CACNA1C: variants seen among roughly 807,000 people sequenced by gnomAD.
CACNA1C encodes the protein calcium voltage-gated channel subunit alpha1 C, also known as voltage-dependent L-type calcium channel subunit alpha-1C.
CACNA1C carries 30 observed loss-of-function variants against 229.0 expected under a neutral mutation model. The observed-to-expected ratio is 0.13, with a 90% CI of 0.10 to 0.18. CACNA1C has a LOEUF of 0.18. Ranked by LOEUF, CACNA1C falls within the 10% of genes least tolerant of loss-of-function variation. CACNA1C has a pLI of 1.00. For synonymous variants in CACNA1C, 1,114 were observed against 1,132.5 expected (o/e 0.98, Z 0.33); for missense variants, 1,658 against 2,845.0 (o/e 0.58, Z 9.49).
intron 2 of CACNA1C, among the ~76,000 whole-genome samples, chr12:2,118,576 A>G (rs529707102): frequency 6.6e-6 from 1 of 152,256 alleles, no homozygotes; most frequent in Admixed American, 6.5e-5. Flanking sequence ...CAGTTTTCTC[A>G]TTTAGAAAGT....
chr12:2,690,856 T>G, intron 46 of CACNA1C, 44 bp from the exon 47 acceptor site: 2 of 1,487,780 alleles, frequency 1.3e-6, no homozygotes, highest in Non-Finnish European at 1.8e-6. Context: ...GCTCCAGGAG[T>G]AATGTTCCTT....
chr12:2,338,167 C>T (rs7311382), intron 3 of CACNA1C, among the ~76,000 whole-genome samples: 34,634 of 152,106 alleles, frequency 0.23, 6,384 homozygotes, highest in African/African-American at 0.52. Flanking sequence ...GTGCTGGCTA[C>T]ATGGGGGGAG....
intron 1 of CACNA1C, chr12:2,004,622 G>A: frequency 1.3e-6 from 1 of 758,286 alleles, no homozygotes; most frequent in South Asian, 1.9e-5. Flanking sequence ...GCCGCGCCCC[G>A]CCCACTGAGG....
chr12:2,203,258 G>C (rs905273793), intron 3 of CACNA1C, among the ~76,000 whole-genome samples: 1 of 152,168 alleles, frequency 6.6e-6, no homozygotes, highest in Non-Finnish European at 1.5e-5. Flanking sequence ...ATGCTGTCCT[G>C]TCCTCATGTC....
intron 1 of CACNA1C, among the ~76,000 whole-genome samples, chr12:2,066,589 C>T (rs772195351): frequency 1.4e-4 from 22 of 151,954 alleles, no homozygotes; most frequent in South Asian, 6.2e-4. Context: ...AATGATGAGG[C>T]GTGGTGGTTG....
intron 18 of CACNA1C, among the ~76,000 whole-genome samples, chr12:2,586,214 A>G (rs1035015408): frequency 1.3e-5 from 2 of 152,208 alleles, no homozygotes; most frequent in African/African-American, 4.8e-5. Flanking sequence ...ATTAATTTAT[A>G]TAATGTATTA....
At chr12:2,389,551 C>T (rs2098450211) in intron 3 of CACNA1C, among the ~76,000 whole-genome samples, 2 of 152,196 alleles carry the variant, frequency 1.3e-5, no homozygotes, top group African/African-American at 4.8e-5. Context: ...TTAATGTGAT[C>T]AGTGCCAGAT....
intron 34 of CACNA1C, among the ~76,000 whole-genome samples, chr12:2,664,225 A>G (rs1434994004): frequency 3.3e-5 from 5 of 152,252 alleles, no homozygotes; most frequent in African/African-American, 4.8e-5. Context: ...GCAACATTTA[A>G]AACAATTCAC....
chr12:2,256,171 C>G (rs888797846), intron 3 of CACNA1C, among the ~76,000 whole-genome samples: 1 of 151,274 alleles, frequency 6.6e-6, no homozygotes, highest in Admixed American at 6.6e-5. Context: ...CTGTGCCTTA[C>G]ACTGGAGCTA....
At position 2,034,656 on chromosome 12, in the gene CACNA1C, C is replaced by T. The variant is rs1464756690; in HGVS notation, c.139+63455C>T. 2.0e-5 allele frequency among the ~76,000 whole-genome samples: 3 copies of T among 152,084 alleles called. No homozygotes were observed. Among genetic ancestry groups the T allele is most frequent in the Non-Finnish European group, 2.9e-5 (2 of 68,020 alleles). ...AATATCCGACGACTTTGAAATAATT[C>T]GAGGGCTAACTGGCTCATCTAGTGT... is the stretch of plus-strand genomic sequence containing the variant. On this transcript the variant is annotated intron_variant, in intron 1 of 46. Transcript: ENST00000682462. The surrounding 1 kb of genome is among the most constrained non-coding windows in gnomAD (Gnocchi z 4.1).
chr12:2,474,388 A>G (rs1334298033), intron 5 of CACNA1C, among the ~76,000 whole-genome samples: 1 of 152,202 alleles, frequency 6.6e-6, no homozygotes, highest in Non-Finnish European at 1.5e-5. Context: ...TTCAAAACCC[A>G]GTTGTCTGGT....
At chr12:2,091,172 G>T (rs1180301991) in intron 1 of CACNA1C, among the ~76,000 whole-genome samples, 1 of 152,216 alleles carries the variant, frequency 6.6e-6, no homozygotes, top group Non-Finnish European at 1.5e-5. Context: ...GGCAGCAGGG[G>T]CTTCTCCCTC....
At chr12:2,542,329 C>T (rs754685998) in intron 9 of CACNA1C, among the ~76,000 whole-genome samples, 2 of 152,148 alleles carry the variant, frequency 1.3e-5, no homozygotes, top group African/African-American at 2.4e-5. Flanking sequence ...ACACAGCCTG[C>T]GGCAGATTCA....
At chr12:2,329,483 C>T (rs2096466413) in intron 3 of CACNA1C, among the ~76,000 whole-genome samples, 1 of 152,168 alleles carries the variant, frequency 6.6e-6, no homozygotes, top group South Asian at 2.1e-4. Context: ...CGATGCCTGT[C>T]CCCATCAATG....
At chr12:2,060,084 T>C (rs1186315780) in intron 1 of CACNA1C, among the ~76,000 whole-genome samples, 2 of 152,212 alleles carry the variant, frequency 1.3e-5, no homozygotes, top group African/African-American at 4.8e-5. Context: ...CACAAGAAAC[T>C]CCTGCAAAAT....
At position 2,064,437 on chromosome 12, in the gene CACNA1C, AGCTCTGT is replaced by A. The variant is rs149056697; in HGVS notation, c.49+10837_49+10843del. Among the ~76,000 whole-genome samples, 2,090 of 152,264 alleles carry A rather than the reference AGCTCTGT, an allele frequency of 0.014. 132 individuals carry two copies. In the East Asian group the frequency reaches 0.18, roughly 13 times the overall value. On this transcript the variant is annotated intron_variant, in intron 1 of 46. Transcript: ENST00000399655. ...CCTCCCTGGACTGTGAGGGGGAGGC[AGCTCTGT>A]GCTCTGTGCTGGCCAGGTGCTGCCT...
Position 2,585,423 on chromosome 12 carries a change from TG to T in CACNA1C, c.2392del (p.Glu798AsnfsTer9). The T allele has an allele frequency of 6.2e-7, 1 of 1,610,308 alleles. No individual in the cohort carries two copies. The highest frequency in any genetic ancestry group is 8.5e-7 in the Non-Finnish European group (1 of 1,178,210). On this transcript the variant is annotated frameshift_variant, in exon 17 of 47. Transcript: ENST00000399655. LOFTEE classifies it high-confidence loss of function. This position sits in a 1 kb window ranked among gnomAD's most constrained non-coding sequence, Gnocchi z 4.1. The stretch of plus-strand genomic sequence containing the variant: ...CAAGAGTTGGTGGAGAAGCCGGCAG[TG>T]GGGGAATCCAAGGAGGAGAAGATTG... ...KKQELVEKPA[V>X]GESKEEKIEL...
In CACNA1C at chr12:2,665,848, G is replaced by C; in HGVS notation, c.4526+140G>C. 1.2e-6 allele frequency: 1 copy of C among 829,442 alleles called. No individual in the cohort carries two copies. Among genetic ancestry groups the C allele is most frequent in the Non-Finnish European group, 1.8e-6 (1 of 559,634 alleles). 51.4% of individuals were successfully genotyped at this position (829,442 alleles called of 1,614,324 possible). On this transcript the variant is annotated intron_variant, in intron 36 of 46. Transcript: ENST00000399655. The surrounding 1 kb of genome is among the most constrained non-coding windows in gnomAD (Gnocchi z 5.9). ...GATTGTATCACACCCTAGGGTGAAA[G>C]GTCAAGGGCCAGCAGGAGGAGGCCC... is the stretch of plus-strand genomic sequence containing the variant.
At chr12:2,682,183 G>T (rs1234554169) in intron 42 of CACNA1C, 2 of 628,816 alleles carry the variant, frequency 3.2e-6, no homozygotes, top group African/African-American at 3.7e-5. Context: ...AGCTGGAGGT[G>T]AGTGGGGGGC....
Sources: allele counts gnomAD v4.1 joint callset (sites outside exome capture counted in the v4.1 genomes callset), GRCh38; gene constraint gnomAD v4.1.1; non-coding constraint Gnocchi (gnomAD v3.1); transcripts MANE v1.5; gene names NCBI Gene and HGNC (gene_info 2026-07-23, HGNC 2026-07-21).